ADARB2: variants seen among roughly 807,000 people sequenced by gnomAD.
ADARB2 encodes inactive double-stranded RNA-specific editase B2.
In ADARB2, 25 loss-of-function variants were observed where a neutral mutation model predicts 62.2. The observed-to-expected ratio is 0.40, with a 90% CI of 0.29 to 0.56. The LOEUF is 0.56. Among genes scored for constraint, ADARB2 ranks in the 20% least tolerant of loss-of-function variants. The probability of loss-of-function intolerance (pLI) is 0.43; values close to 1 mark genes in which losing one functional copy is unlikely to be tolerated. For synonymous variants in ADARB2, 572 were observed against 500.8 expected (o/e 1.14, Z -1.90); for missense variants, 1,071 against 1,077.4 (o/e 0.99, Z 0.08).
chr10:1,424,124 T>C (rs1467382570), intron 1 of ADARB2, among the ~76,000 whole-genome samples: 2 of 152,176 alleles, frequency 1.3e-5, no homozygotes, highest in East Asian at 3.8e-4. Flanking sequence ...ACATATGCAG[T>C]GGGTCTACTA....
At chr10:1,366,076 C>G (rs547378813) in intron 2 of ADARB2, among the ~76,000 whole-genome samples, 1 of 152,154 alleles carries the variant, frequency 6.6e-6, no homozygotes, top group African/African-American at 2.4e-5. Context: ...TGCAGCCATG[C>G]GTCTGTGACA....
At chr10:1,409,196 T>C (rs910647503) in intron 1 of ADARB2, among the ~76,000 whole-genome samples, 17 of 93,426 alleles carry the variant, frequency 1.8e-4, no homozygotes, top group African/African-American at 5.3e-4. Flanking sequence ...CGACCCGCCC[T>C]GCCTGACAGC....
At chr10:1,657,402 A>G (rs1278508300) in intron 1 of ADARB2, among the ~76,000 whole-genome samples, 3 of 126,804 alleles carry the variant, frequency 2.4e-5, no homozygotes, top group African/African-American at 8.1e-5. Flanking sequence ...TTTTATGTTT[A>G]AAATTCCTTC....
chr10:1,262,144 G>A (rs926456905), intron 4 of ADARB2, among the ~76,000 whole-genome samples: 4 of 113,690 alleles, frequency 3.5e-5, no homozygotes, highest in Admixed American at 1.9e-4. Flanking sequence ...GACTGTGGTG[G>A]GGTGGGGGGA....
At chr10:1,428,012 T>C (rs567778326) in intron 1 of ADARB2, among the ~76,000 whole-genome samples, 1 of 151,992 alleles carries the variant, frequency 6.6e-6, no homozygotes, top group Non-Finnish European at 1.5e-5. Context: ...TCACCCAGGC[T>C]GGAGTGCAGT....
At position 1,402,269 on chromosome 10, in the gene ADARB2, G is replaced by A. The variant is rs997808537; in HGVS notation, c.101-23109C>T. Among the ~76,000 whole-genome samples, 3 of 152,178 alleles carry A rather than the reference G, an allele frequency of 2.0e-5. No homozygotes were observed. The South Asian group carries it at 6.2e-4, about 32-fold the overall frequency. ...GTCAGTGTTTACGCGTGCGCGCGCC[G>A]GTCTGGCCAGGGGTAGGGCGCCTTC... On this transcript the variant is annotated intron_variant, in intron 1 of 9. Coordinates refer to ENST00000381312, the MANE Select transcript of ADARB2 (RefSeq NM_018702.4).
chr10:1,479,477 G>C (rs1409704907), intron 1 of ADARB2, among the ~76,000 whole-genome samples: 1 of 152,180 alleles, frequency 6.6e-6, no homozygotes. Flanking sequence ...GCAGCTTGGA[G>C]TAGAGTAGGT....
At chr10:1,379,845 G>T (rs187480182) in intron 1 of ADARB2, among the ~76,000 whole-genome samples, 41 of 152,334 alleles carry the variant, frequency 2.7e-4, no homozygotes, top group Non-Finnish European at 4.3e-4. Context: ...CACAGTGAGT[G>T]CAGCACAGCT....
At position 1,718,732 on chromosome 10, in the gene ADARB2, C is replaced by T. The variant is rs892952793; in HGVS notation, c.100+18319G>A. On this transcript the variant is annotated intron_variant, in intron 1 of 9. Transcript: ENST00000381312. Reference sequence around the variant, plus strand: ...CCAGTTGACAGGCAGAGGCCAGGCCCCCAGGTTGTGTTTCTGACTCTGCCC... The same window carrying T: ...CCAGTTGACAGGCAGAGGCCAGGCCTCCAGGTTGTGTTTCTGACTCTGCCC... Among the ~76,000 whole-genome samples, 32 of 152,012 alleles carry T rather than the reference C, an allele frequency of 2.1e-4. 1 individual carries two copies. The highest frequency in any genetic ancestry group is 2.0e-3 in the Admixed American group (31 of 15,282).
chr10:1,371,097 A>AC (rs1427797967), intron 2 of ADARB2, among the ~76,000 whole-genome samples: 1 of 152,254 alleles, frequency 6.6e-6, no homozygotes, highest in Non-Finnish European at 1.5e-5. Flanking sequence ...GTACGAAGAT[A>AC]GACACATAGA....
chr10:1,728,446 A>T (rs902542973), intron 1 of ADARB2, among the ~76,000 whole-genome samples: 2 of 152,152 alleles, frequency 1.3e-5, no homozygotes, highest in African/African-American at 4.8e-5. Context: ...GTCTTTTAAT[A>T]TTTCAACTTT....
At chr10:1,556,721 C>T (rs1000233253) in intron 1 of ADARB2, 1 of 534,544 alleles carries the variant, frequency 1.9e-6, no homozygotes, top group Non-Finnish European at 3.8e-6. Context: ...CCCTGCCTGC[C>T]CATGTCAACA....
At chr10:1,560,416 C>T (rs1051844005) in intron 1 of ADARB2, among the ~76,000 whole-genome samples, 1 of 152,048 alleles carries the variant, frequency 6.6e-6, no homozygotes, top group Non-Finnish European at 1.5e-5. Flanking sequence ...CTGGTGCACC[C>T]TGGGTCATCA....
At chr10:1,347,563 C>A (rs1832091863) in intron 3 of ADARB2, among the ~76,000 whole-genome samples, 1 of 152,170 alleles carries the variant, frequency 6.6e-6, no homozygotes, top group Non-Finnish European at 1.5e-5. Context: ...TGACCTGTCC[C>A]CTGCCCAGGA....
chr10:1,585,696 G>A (rs992659864), intron 1 of ADARB2, among the ~76,000 whole-genome samples: 12 of 152,128 alleles, frequency 7.9e-5, no homozygotes, highest in Non-Finnish European at 1.5e-4. Context: ...TACATTTTAC[G>A]CAGACTGATA....
chr10:1,178,387 A>C lies in ADARB2; in HGVS notation c.*4806T>G, dbSNP rs939779641. 2.1e-5 allele frequency: 3 copies of C among 145,224 alleles called. No homozygotes were observed. The highest frequency in any genetic ancestry group is 8.6e-5 in the African/African-American group (3 of 34,846). 9.0% of individuals were successfully genotyped at this position (145,224 alleles called of 1,614,324 possible). A position where few individuals can be genotyped will look rare whatever the true frequency, so the allele number is the denominator to read the frequency against. On this transcript the variant is annotated 3_prime_UTR_variant, in exon 10 of 10. Coordinates refer to ENST00000381312, the MANE Select transcript of ADARB2 (RefSeq NM_018702.4). Reference sequence around the variant, plus strand: ...AAGGAAGCTCCTCTGTCTCCACCGCATCTCTGGTTGGTCCCTGTGGCCTCT... The same window carrying C: ...AAGGAAGCTCCTCTGTCTCCACCGCCTCTCTGGTTGGTCCCTGTGGCCTCT...
At chr10:1,625,713 C>G (rs970336125) in intron 1 of ADARB2, among the ~76,000 whole-genome samples, 15 of 152,296 alleles carry the variant, frequency 9.8e-5, no homozygotes, top group African/African-American at 2.9e-4. Context: ...GAATGACAGC[C>G]TCCACAGATC....
intron 1 of ADARB2, among the ~76,000 whole-genome samples, chr10:1,395,307 T>G (rs1832601848): frequency 6.6e-6 from 1 of 152,142 alleles, no homozygotes; most frequent in East Asian, 1.9e-4. Flanking sequence ...AGCCCCATGG[T>G]GAGTGGGTGA....
intron 1 of ADARB2, among the ~76,000 whole-genome samples, chr10:1,633,904 T>G (rs1448523099): frequency 1.3e-5 from 2 of 152,100 alleles, no homozygotes; most frequent in Non-Finnish European, 2.9e-5. Context: ...GCCAGCACCA[T>G]GTGAACCCGC....
Sources: allele counts gnomAD v4.1 joint callset (sites outside exome capture counted in the v4.1 genomes callset), GRCh38; gene constraint gnomAD v4.1.1; transcripts MANE v1.5; gene names NCBI Gene and HGNC (gene_info 2026-07-23, HGNC 2026-07-21).